The following STKLD1 variants were observed in gnomAD, a reference collection of about 807,000 sequenced individuals.
STKLD1 encodes serine/threonine kinase like domain containing 1.
A neutral mutation model predicts 80.4 loss-of-function variants in STKLD1; 79 were observed. The ratio of observed to expected loss-of-function variants is 0.98; its 90% CI spans 0.82 to 1.19. The LOEUF (loss-of-function observed/expected upper bound fraction) is 1.19. STKLD1 is among the 50% of genes most tolerant of loss of function. The pLI is 0.00. For synonymous variants in STKLD1, 393 were observed against 357.6 expected (o/e 1.10, Z -1.12); for missense variants, 841 against 856.0 (o/e 0.98, Z 0.22).
rs137894805 is a variant in STKLD1, at chr9:133,376,770, A to G, written c.87+210A>G. On this transcript the variant is annotated intron_variant, in intron 1 of 17. Transcript: ENST00000371957. ...CAGTTTCCCCCTTTGTGAATTGACT[A>G]AGGATTCTCCAGCCCTGGCTGAGTA... Among the ~76,000 whole-genome samples, 542 of 152,256 alleles carry G rather than the reference A, an allele frequency of 3.6e-3. 8 individuals are homozygous for G. Among genetic ancestry groups the G allele is most frequent in the South Asian group, 0.022 (105 of 4,822 alleles).
chr9:133,395,973 C>T (rs1838552308), intron 9 of STKLD1: 1 of 478,424 alleles, frequency 2.1e-6, no homozygotes, highest in East Asian at 3.3e-5. Flanking sequence ...GTGGAGTGAG[C>T]AGACTGACCC....
intron 11 of STKLD1, among the ~76,000 whole-genome samples, chr9:133,399,757 T>G (rs1554777288): frequency 6.6e-6 from 1 of 152,064 alleles, no homozygotes; most frequent in Non-Finnish European, 1.5e-5. Flanking sequence ...CGCATGCCTG[T>G]AATCTCAGCT....
rs1447871767 is a variant in STKLD1 at position 133,404,654 on chromosome 9, G to A, written c.1733-135G>A. The A allele has an allele frequency of 5.5e-6, 7 of 1,263,902 alleles. No individual in the cohort carries two copies. The East Asian group carries it at 1.7e-4, about 30-fold the overall frequency. 78.3% of individuals were successfully genotyped at this position (1,263,902 alleles called of 1,614,324 possible). On this transcript the variant is annotated intron_variant, in intron 16 of 17. Coordinates refer to ENST00000371957, the MANE Select transcript of STKLD1 (RefSeq NM_153710.5). ...AGCCTACTGGTCCGCCCAAGCTGAT[G>A]GGGCCTCCTGGGTCCCGTCTCTTGT...
intron 2 of STKLD1, among the ~76,000 whole-genome samples, chr9:133,382,524 TGATG>T (rs1350587953): frequency 2.7e-5 from 4 of 150,652 alleles, no homozygotes; most frequent in African/African-American, 9.8e-5. Flanking sequence ...ATGGTGATGA[TGATG>T]GTGATGATAA....
Position 133,403,710 on chromosome 9 carries a change from G to C in STKLD1, c.1485G>C (p.Val495=), listed in dbSNP as rs374850390. 1.2e-6 allele frequency: 2 copies of C among 1,613,568 alleles called. No homozygotes were observed. The highest frequency in any genetic ancestry group is 2.7e-5 in the African/African-American group (2 of 75,066). Residue 495 remains valine, a synonymous_variant, in exon 15 of 18, where the codon GTG becomes GTC. Transcript: ENST00000371957. The part of the protein sequence containing the change: ...LWALLLDGII[V]NKAPLEKVPD... ...CTGTCCTCGTTCCAGGTATCATTGT[G>C]AACAAGGCCCCCTTGGAGAAGGTCC...
intron 13 of STKLD1, among the ~76,000 whole-genome samples, chr9:133,402,423 CA>C (rs1221550090): frequency 2.0e-5 from 3 of 152,196 alleles, no homozygotes; most frequent in Admixed American, 6.5e-5. Context: ...CTCTTTACTG[CA>C]CAGACTGGAT....
At chr9:133,403,862 TGGGAGGGGTG>T (rs1554778184) in intron 15 of STKLD1, 34 bp downstream of exon 15, 1 of 1,611,824 alleles carries the variant, frequency 6.2e-7, no homozygotes, top group South Asian at 1.1e-5. Context: ...CCCCTGGGGC[TGGGAGGGGTG>T]GGCCTCATGG....
intron 12 of STKLD1, among the ~76,000 whole-genome samples, 191 bp downstream of exon 12, chr9:133,400,720 G>A (rs954972929): frequency 2.6e-5 from 4 of 152,244 alleles, no homozygotes; most frequent in Non-Finnish European, 5.9e-5. Flanking sequence ...AGACACTCCT[G>A]GTGGCCTAGC....
Position 133,384,784 on chromosome 9 carries a change from C to T in STKLD1, c.220-833C>T, listed in dbSNP as rs1433167703. ...TTGAGAGCTGCCCAGCAGTAACATACTCGTTTACAATAATAGCGATAACAG... is the reference window on the plus strand; with the variant it reads ...TTGAGAGCTGCCCAGCAGTAACATATTCGTTTACAATAATAGCGATAACAG... On this transcript the variant is annotated intron_variant, in intron 3 of 17. Transcript: ENST00000371957. This position sits in a 1 kb window ranked among gnomAD's most constrained non-coding sequence, Gnocchi z 4.3. 2 of 152,210 alleles carry T rather than the reference C, an allele frequency of 1.3e-5. No individual in the cohort carries two copies. Among genetic ancestry groups the T allele is most frequent in the Non-Finnish European group, 2.9e-5 (2 of 68,034 alleles). The allele number at this position is 152,210 out of a possible 1,614,324, so 9.4% of individuals were successfully genotyped here. A position where few individuals can be genotyped will look rare whatever the true frequency, so the allele number is the denominator to read the frequency against.
At position 133,389,696 on chromosome 9, in the gene STKLD1, G is replaced by A; in HGVS notation, c.467+100G>A. 6.4e-7 allele frequency: 1 copy of A among 1,554,220 alleles called. No individual in the cohort carries two copies. The highest frequency in any genetic ancestry group is 8.7e-7 in the Non-Finnish European group (1 of 1,146,664). ...AGTGCCCGTGGGCAGGATCTGGGGA[G>A]AAAGGTGCACCGGGCCAGTGCAGCC... On this transcript the variant is annotated intron_variant, in intron 6 of 17. Transcript: ENST00000371957. The surrounding 1 kb of genome is among the most constrained non-coding windows in gnomAD (Gnocchi z 6.4).
rs202027138 is a variant in STKLD1 at position 133,395,692 on chromosome 9, G to A, written c.795G>A (p.Pro265=). ...AGACAATGGAGGAGAAGCAGATCCCGGATGTGGAAACCTTCAGGAATCTTC... is the reference window on the plus strand; with the variant it reads ...AGACAATGGAGGAGAAGCAGATCCCAGATGTGGAAACCTTCAGGAATCTTC... The part of the protein sequence containing the change: ...VLKTMEEKQI[P]DVETFRNLLP... The change falls in exon 9 of 18, where the codon CCG becomes CCA. Residue 265 remains proline (P), a synonymous_variant. Transcript: ENST00000371957. 154 of 1,613,500 alleles carry A rather than the reference G, an allele frequency of 9.5e-5. No individual in the cohort carries two copies. The Middle Eastern group carries it at 3.5e-3, about 36-fold the overall frequency.
chr9:133,379,202 G>A, intron 2 of STKLD1, 80 bp downstream of exon 2: 5 of 1,248,790 alleles, frequency 4.0e-6, no homozygotes, highest in Non-Finnish European at 5.7e-6. Context: ...TTCCCATGTT[G>A]GAGAAGCTTC....
intron 14 of STKLD1, 122 bp from the exon 15 acceptor site, chr9:133,403,578 C>A: frequency 7.7e-7 from 1 of 1,306,852 alleles, no homozygotes; most frequent in Non-Finnish European, 1.0e-6. Flanking sequence ...GACAGTTGAC[C>A]TTTCCCACCC....
At chr9:133,377,778 A>T (rs2130255608) in intron 1 of STKLD1, among the ~76,000 whole-genome samples, 2 of 152,194 alleles carry the variant, frequency 1.3e-5, no homozygotes, top group East Asian at 1.9e-4. Context: ...TGATTCAAGC[A>T]CATTACACTT....
intron 5 of STKLD1, chr9:133,388,928 T>C: frequency 1.0e-6 from 1 of 985,358 alleles, no homozygotes; most frequent in South Asian, 4.7e-5. Context: ...ACCCAGTAAG[T>C]GCAGCAGACC....
chr9:133,381,492 C>T (rs1159351963), intron 2 of STKLD1, among the ~76,000 whole-genome samples: 1 of 145,128 alleles, frequency 6.9e-6, no homozygotes. Flanking sequence ...CTCTTGTTGC[C>T]CAGGCTGGAG....
chr9:133,402,835 TGGAG>T (rs1439253195), intron 13 of STKLD1, 39 bp from the exon 14 acceptor site: 21 of 1,578,236 alleles, frequency 1.3e-5, no homozygotes, highest in Non-Finnish European at 1.8e-5. Context: ...GAAGGCTTCC[TGGAG>T]GGAGGGGCCC....
chr9:133,405,593 G>A lies in STKLD1; in HGVS notation c.*172G>A. The A allele has an allele frequency of 1.7e-6, 1 of 577,816 alleles. No individual in the cohort carries two copies. The highest frequency in any genetic ancestry group is 2.8e-6 in the Non-Finnish European group (1 of 357,144). 35.8% of individuals were successfully genotyped at this position (577,816 alleles called of 1,614,324 possible). On this transcript the variant is annotated 3_prime_UTR_variant, in exon 18 of 18. Coordinates refer to ENST00000371957, the MANE Select transcript of STKLD1 (RefSeq NM_153710.5). ...ATGACTGCTGGATTGAGTCACATGA[G>A]TAACTGCTCCTGGACCCGGGGACTG...
intron 11 of STKLD1, among the ~76,000 whole-genome samples, chr9:133,399,045 G>A (rs1053542017): frequency 1.3e-5 from 2 of 152,094 alleles, no homozygotes; most frequent in Non-Finnish European, 2.9e-5. Flanking sequence ...TTAGAGAGGG[G>A]GTTTCACCAT....
Sources: allele counts gnomAD v4.1 joint callset (sites outside exome capture counted in the v4.1 genomes callset), GRCh38; gene constraint gnomAD v4.1.1; non-coding constraint Gnocchi (gnomAD v3.1); transcripts MANE v1.5; gene names NCBI Gene and HGNC (gene_info 2026-07-23, HGNC 2026-07-21).